The following ZNF778 variants were observed in gnomAD, a reference collection of about 807,000 sequenced individuals.
The protein encoded by ZNF778 is zinc finger protein 778.
ZNF778 carries 37 observed loss-of-function variants against 23.9 expected under a neutral mutation model. The ratio of observed to expected loss-of-function variants is 1.54; its 90% CI spans 1.19 to 2.03. The LOEUF is 2.03. Ranked by LOEUF, ZNF778 falls within the 30% of genes most tolerant of loss-of-function variation. The pLI is 0.00. For synonymous variants in ZNF778, 483 were observed against 343.9 expected, an observed-to-expected ratio of 1.40 and a Z score of -4.48; for missense variants, 1,297 against 934.4, an observed-to-expected ratio of 1.39 and a Z score of -5.06.
chr16:89,221,996 A>T, intron 2 of ZNF778, 96 bp from the exon 3 acceptor site: 1 of 805,900 alleles, frequency 1.2e-6, no homozygotes. Context: ...AGTACGTGAT[A>T]ATTTCCTGCT....
At chr16:89,221,601 G>C (rs1301609722) in intron 2 of ZNF778, among the ~76,000 whole-genome samples, 4 of 149,280 alleles carry the variant, frequency 2.7e-5, no homozygotes, top group African/African-American at 9.9e-5. Context: ...GTGTGTGTGT[G>C]TGTGTGTGTG....
chr16:89,225,994 C>T (rs1474701577), intron 6 of ZNF778, among the ~76,000 whole-genome samples: 2 of 151,970 alleles, frequency 1.3e-5, no homozygotes, highest in African/African-American at 2.4e-5. Flanking sequence ...TCACTGCAAC[C>T]TCCGCCTCCT....
chr16:89,233,757 A>C lies in ZNF778; in HGVS notation c.*5195A>C, dbSNP rs1356317713. ...GCACTGCATATGCAACTCAACTCGC[A>C]CTGCGTATGCAACTCAACTCGCACT... On this transcript the variant is annotated 3_prime_UTR_variant, in exon 7 of 7. Coordinates refer to ENST00000433976, the MANE Select transcript of ZNF778 (RefSeq NM_001201407.2). The C allele has an allele frequency of 8.1e-7, 1 of 1,232,988 alleles. No homozygotes were observed. Among genetic ancestry groups the C allele is most frequent in the Non-Finnish European group, 1.1e-6 (1 of 945,432 alleles). The allele number at this position is 1,232,988 out of a possible 1,614,324, so 76.4% of individuals were successfully genotyped here. A position where few individuals can be genotyped will look rare whatever the true frequency, so the allele number is the denominator to read the frequency against.
chr16:89,225,254 T>G (rs72819399), intron 5 of ZNF778, among the ~76,000 whole-genome samples: 5,697 of 151,608 alleles, frequency 0.038, 203 homozygotes, highest in East Asian at 0.16. Context: ...TAGCTGGGAT[T>G]ACAGGTGCGT....
At chr16:89,224,670 C>T in intron 4 of ZNF778, 49 bp from the exon 5 acceptor site, 2 of 1,373,672 alleles carry the variant, frequency 1.5e-6, no homozygotes, top group Non-Finnish European at 2.0e-6. Context: ...GTAGGTTTGT[C>T]ATCCCCTGCC....
At chr16:89,223,104 T>G (rs1166795757) in intron 3 of ZNF778, 53 bp from the exon 4 acceptor site, 1 of 1,585,236 alleles carries the variant, frequency 6.3e-7, no homozygotes, top group Non-Finnish European at 8.6e-7. Flanking sequence ...CATTCTTCAG[T>G]GAATACCGAT....
In ZNF778 at chr16:89,221,976, A is replaced by C; in HGVS notation, c.26-116A>C. 6.4e-6 allele frequency: 4 copies of C among 622,792 alleles called. No homozygotes were observed. The South Asian group carries it at 8.8e-5, about 14-fold the overall frequency. 38.6% of individuals were successfully genotyped at this position (622,792 alleles called of 1,614,324 possible). ...ATATCTGTGTGTGTGCGTTTTCCTGAGTGTGCAGGAGTACGTGATAATTTC... is the reference window on the plus strand; with the variant it reads ...ATATCTGTGTGTGTGCGTTTTCCTGCGTGTGCAGGAGTACGTGATAATTTC... On this transcript the variant is annotated intron_variant, in intron 2 of 6. Transcript: ENST00000433976.
chr16:89,222,919 G>A (rs1358044547), intron 3 of ZNF778, among the ~76,000 whole-genome samples: 4 of 149,908 alleles, frequency 2.7e-5, no homozygotes, highest in South Asian at 2.1e-4. Context: ...CAGGGTGCGC[G>A]TGACTGGAGG....
intron 1 of ZNF778, among the ~76,000 whole-genome samples, chr16:89,220,709 C>T (rs777567578): frequency 1.2e-4 from 18 of 152,172 alleles, no homozygotes; most frequent in Non-Finnish European, 1.8e-4. Context: ...GCTAACCGTC[C>T]TGGTTCACCA....
Position 89,233,625 on chromosome 16 carries a change from A to G in ZNF778, c.*5063A>G, listed in dbSNP as rs1186844782. The G allele has an allele frequency of 9.1e-7, 1 of 1,096,304 alleles. No individual in the cohort carries two copies. The highest frequency in any genetic ancestry group is 1.2e-6 in the Non-Finnish European group (1 of 851,794). The allele number at this position is 1,096,304 out of a possible 1,614,324, so 67.9% of individuals were successfully genotyped here. The stretch of plus-strand genomic sequence containing the variant: ...ATACTGCATATGCAACTCAACTCAC[A>G]CTGTATGCAACTCAGCTCGCTCTGC... On this transcript the variant is annotated 3_prime_UTR_variant, in exon 7 of 7. Coordinates refer to ENST00000433976, the MANE Select transcript of ZNF778 (RefSeq NM_001201407.2).
chr16:89,236,445 A>C lies in ZNF778; in HGVS notation c.*7883A>C, dbSNP rs2032240122. On this transcript the variant is annotated 3_prime_UTR_variant, in exon 7 of 7. Transcript: ENST00000433976. ...AATGAAACAGAAGTAACGATGAGGCAATACAAAGAATTGCCTGCAGACCTG... is the reference window on the plus strand; with the variant it reads ...AATGAAACAGAAGTAACGATGAGGCCATACAAAGAATTGCCTGCAGACCTG... 6.6e-6 allele frequency: 1 copy of C among 152,242 alleles called. No homozygotes were observed. The highest frequency in any genetic ancestry group is 2.4e-5 in the African/African-American group (1 of 41,464). 9.4% of individuals were successfully genotyped at this position (152,242 alleles called of 1,614,324 possible). A position where few individuals can be genotyped will look rare whatever the true frequency, so the allele number is the denominator to read the frequency against.
At chr16:89,219,480 G>C (rs1490011231) in intron 1 of ZNF778, among the ~76,000 whole-genome samples, 1 of 152,230 alleles carries the variant, frequency 6.6e-6, no homozygotes, top group East Asian at 1.9e-4. Flanking sequence ...CATGTCCCAT[G>C]TTAGCTGTTC....
At position 89,233,379 on chromosome 16, in the gene ZNF778, C is replaced by T. The variant is rs750291367; in HGVS notation, c.*4817C>T. 1 of 769,276 alleles carries T rather than the reference C, an allele frequency of 1.3e-6. No homozygotes were observed. Among genetic ancestry groups the T allele is most frequent in the East Asian group, 9.4e-5 (1 of 10,674 alleles). 47.7% of individuals were successfully genotyped at this position (769,276 alleles called of 1,614,324 possible). A position where few individuals can be genotyped will look rare whatever the true frequency, so the allele number is the denominator to read the frequency against. ...GCGTATGCAACTCGCACTGCGTATG[C>T]AACTCAACTCGCACTGCGTATGCAA... On this transcript the variant is annotated 3_prime_UTR_variant, in exon 7 of 7. Coordinates refer to ENST00000433976, the MANE Select transcript of ZNF778 (RefSeq NM_001201407.2).
At position 89,223,182 on chromosome 16, in the gene ZNF778, C is replaced by CTG; in HGVS notation, c.146_147dup (p.Asp50TrpfsTer22). 1 of 1,613,876 alleles carries CTG rather than the reference C, an allele frequency of 6.2e-7. No individual in the cohort carries two copies. Among genetic ancestry groups the CTG allele is most frequent in the Non-Finnish European group, 8.5e-7 (1 of 1,179,936 alleles). On this transcript the variant is annotated frameshift_variant, in exon 4 of 7. Coordinates refer to ENST00000433976, the MANE Select transcript of ZNF778 (RefSeq NM_001201407.2). LOFTEE classifies it high-confidence loss of function. The stretch of plus-strand genomic sequence containing the variant: ...GACGCGGTGACCTTTGACGACGTGG[C>CTG]TGTGGACTTCACCCAGGAGGAATGG...
In ZNF778 at chr16:89,229,697, GGTTA is replaced by G. The variant is rs1269580655; in HGVS notation, c.*1138_*1141del. On this transcript the variant is annotated 3_prime_UTR_variant, in exon 7 of 7. Transcript: ENST00000433976. ...TGCGTGAGCAGCGTAGGCTCTGGTT[GGTTA>G]GTCTTGAGGATCCAGATGTGATCCT... The G allele has an allele frequency of 4.1e-6, 4 of 981,398 alleles. No homozygotes were observed. Among genetic ancestry groups the G allele is most frequent in the East Asian group, 2.3e-4 (2 of 8,578 alleles). 60.8% of individuals were successfully genotyped at this position (981,398 alleles called of 1,614,324 possible). A position where few individuals can be genotyped will look rare whatever the true frequency, so the allele number is the denominator to read the frequency against.
In ZNF778 at chr16:89,233,090, CAGCTCGCACTGCGTATGCAAGT is replaced by C. The variant is rs775104533; in HGVS notation, c.*4529_*4550del. ...CTCAGCTCGCACTGCGTATGCAACT[CAGCTCGCACTGCGTATGCAAGT>C]CAGCTCGCTCTGCGTATGCAACTCA... On this transcript the variant is annotated 3_prime_UTR_variant, in exon 7 of 7. Transcript: ENST00000433976. 1.4e-5 allele frequency: 7 copies of C among 485,918 alleles called. No individual in the cohort carries two copies. The highest frequency in any genetic ancestry group is 3.9e-5 in the Admixed American group (1 of 25,708). 30.1% of individuals were successfully genotyped at this position (485,918 alleles called of 1,614,324 possible).
At position 89,236,900 on chromosome 16, in the gene ZNF778, C is replaced by G. The variant is rs71395400; in HGVS notation, c.*8338C>G. On this transcript the variant is annotated 3_prime_UTR_variant, in exon 7 of 7. Coordinates refer to ENST00000433976, the MANE Select transcript of ZNF778 (RefSeq NM_001201407.2). ...CAGCTTGGCCAACATGGTGAAACCC[C>G]ATCTCTACTAAGAAATACAAAAATT... The G allele has an allele frequency of 0.1, 15,768 of 151,754 alleles. 1,096 individuals carry two copies. The highest frequency in any genetic ancestry group is 0.2 in the African/African-American group (8,179 of 41,340). The allele number at this position is 151,754 out of a possible 1,614,324, so 9.4% of individuals were successfully genotyped here.
At position 89,219,102 on chromosome 16, in the gene ZNF778, G is replaced by A. The variant is rs535443203; in HGVS notation, c.-132+1192G>A. On this transcript the variant is annotated intron_variant, in intron 1 of 6. Coordinates refer to ENST00000433976, the MANE Select transcript of ZNF778 (RefSeq NM_001201407.2). ...AGCCTGGGCGACAGAGCAAGACTCC[G>A]TCTCAAAAAAATAAAAAAATAAAAA... Among the ~76,000 whole-genome samples the A allele has an allele frequency of 4.6e-5, 7 of 152,114 alleles. No homozygotes were observed. In the South Asian group the frequency reaches 8.3e-4, roughly 18 times the overall value.
At chr16:89,226,659 T>C in intron 6 of ZNF778, 35 bp from the exon 7 acceptor site, 1 of 1,560,074 alleles carries the variant, frequency 6.4e-7, no homozygotes, top group East Asian at 2.3e-5. Flanking sequence ...TCAGCCTCAG[T>C]AACCCCCTGA....
Sources: allele counts gnomAD v4.1 joint callset (sites outside exome capture counted in the v4.1 genomes callset), GRCh38; gene constraint gnomAD v4.1.1; transcripts MANE v1.5; gene names NCBI Gene and HGNC (gene_info 2026-07-23, HGNC 2026-07-21).